TLCD5: variants seen among roughly 807,000 people sequenced by gnomAD.
The protein encoded by TLCD5 is TLC domain-containing protein 5.
TLCD5 carries 15 observed loss-of-function variants against 20.5 expected under a neutral mutation model. The observed-to-expected ratio is 0.73, with a 90% CI of 0.49 to 1.13. The LOEUF is 1.13. Ranked by LOEUF, TLCD5 falls within the 50% of genes most tolerant of loss-of-function variation. The pLI, the probability that TLCD5 is intolerant of heterozygous loss-of-function variation, is 0.00. For missense variants in TLCD5, 289 were observed against 305.6 expected (o/e 0.95, Z 0.41); for synonymous variants, 107 against 114.7 (o/e 0.93, Z 0.43).
At chr11:120,328,249 T>G (rs1195743669) in intron 2 of TLCD5, among the ~76,000 whole-genome samples, 2 of 151,964 alleles carry the variant, frequency 1.3e-5, no homozygotes, top group East Asian at 3.9e-4. Flanking sequence ...CCAGCTAATT[T>G]TTTTTGTATT....
At chr11:120,327,239 A>G (rs1942021829) in intron 1 of TLCD5, 2 of 908,478 alleles carry the variant, frequency 2.2e-6, no homozygotes, top group Non-Finnish European at 3.3e-6. Flanking sequence ...AGTTGCTAAC[A>G]TGTTATCTCT....
intron 1 of TLCD5, chr11:120,327,131 C>A (rs1206022203): frequency 3.8e-6 from 2 of 527,996 alleles, no homozygotes; most frequent in Non-Finnish European, 6.7e-6. Context: ...GGTCAGTCAT[C>A]GCTAGAGGGT....
rs917627395 is a variant in TLCD5, at chr11:120,331,424, C to T, written c.*909C>T. 9.2e-5 allele frequency: 14 copies of T among 152,262 alleles called. No individual in the cohort carries two copies. The highest frequency in any genetic ancestry group is 3.1e-4 in the African/African-American group (13 of 41,450). 9.4% of individuals were successfully genotyped at this position (152,262 alleles called of 1,614,324 possible). Reference sequence around the variant, plus strand: ...AAAGTTTTTACTGAGGACAGGTCATCTAGGCAGGCTTTCCCTGGCAGATAG... The same window carrying T: ...AAAGTTTTTACTGAGGACAGGTCATTTAGGCAGGCTTTCCCTGGCAGATAG... On this transcript the variant is annotated 3_prime_UTR_variant, in exon 3 of 3. Coordinates refer to ENST00000375095, the MANE Select transcript of TLCD5 (RefSeq NM_001198671.2). The surrounding 1 kb of genome is among the most constrained non-coding windows in gnomAD (Gnocchi z 4.5).
At chr11:120,327,388 T>C (rs113573740) in intron 1 of TLCD5, 53 bp from the exon 2 acceptor site, 1 of 1,613,712 alleles carries the variant, frequency 6.2e-7, no homozygotes, top group Non-Finnish European at 8.5e-7. Flanking sequence ...GACCCAGTGC[T>C]GTTTTCTTAG....
chr11:120,329,742 A>T (rs988055611), intron 2 of TLCD5, among the ~76,000 whole-genome samples: 1 of 152,224 alleles, frequency 6.6e-6, no homozygotes, highest in Non-Finnish European at 1.5e-5. Flanking sequence ...ATGCAAACTC[A>T]TTGAAGTCTG....
In TLCD5 at chr11:120,330,820, G is replaced by T. The variant is rs746584671; in HGVS notation, c.*305G>T. 3.2e-5 allele frequency: 8 copies of T among 250,310 alleles called. No individual in the cohort carries two copies. Among genetic ancestry groups the T allele is most frequent in the Non-Finnish European group, 6.1e-5 (8 of 131,764 alleles). 15.5% of individuals were successfully genotyped at this position (250,310 alleles called of 1,614,324 possible). A position where few individuals can be genotyped will look rare whatever the true frequency, so the allele number is the denominator to read the frequency against. ...CCCTGGGTCCTCCTGTCCCTGGGAG[G>T]TTTGATGTTCAGGCAGTTTAGAAAG... On this transcript the variant is annotated 3_prime_UTR_variant, in exon 3 of 3. Transcript: ENST00000375095.
In TLCD5 at chr11:120,330,541, TG is replaced by T; in HGVS notation, c.*29del. 1 of 1,588,630 alleles carries T rather than the reference TG, an allele frequency of 6.3e-7. No homozygotes were observed. Among genetic ancestry groups the T allele is most frequent in the Non-Finnish European group, 8.6e-7 (1 of 1,166,826 alleles). ...CCAAGGCTTGCTCCAGATTATGGATTGGGTTAAGTCAGCCATGGGAACCAGG... is the reference window on the plus strand; with the variant it reads ...CCAAGGCTTGCTCCAGATTATGGATTGGTTAAGTCAGCCATGGGAACCAGG... On this transcript the variant is annotated 3_prime_UTR_variant, in exon 3 of 3. Transcript: ENST00000375095.
intron 2 of TLCD5, among the ~76,000 whole-genome samples, chr11:120,329,080 TTGTGTGTGTG>T (rs67465966): frequency 8.7e-5 from 10 of 114,570 alleles, no homozygotes; most frequent in African/African-American, 3.6e-4. Context: ...AACAGTCATA[TTGTGTGTGTG>T]TGTGTGTGTG....
Position 120,327,605 on chromosome 11 carries a change from G to A in TLCD5, c.164G>A (p.Gly55Asp), listed in dbSNP as rs760568794. The A allele has an allele frequency of 5.1e-5, 83 of 1,614,040 alleles. 3 individuals are homozygous for A. The South Asian group carries it at 8.0e-4, about 16-fold the overall frequency. ...VLSIGLSAYI[G>D]FIDGPWPFTH... ...TCTATAGGCCTCTCCGCTTATATTGGCTTCATTGATGGCCCATGGCCTTTT... is the reference window on the plus strand; with the variant it reads ...TCTATAGGCCTCTCCGCTTATATTGACTTCATTGATGGCCCATGGCCTTTT... Residue 55 changes from glycine (G) to aspartate (D), a missense_variant, in exon 2 of 3, where the codon GGC becomes GAC. By Grantham distance (94) the Gly-to-Asp change is moderately conservative. Transcript: ENST00000375095.
At chr11:120,328,640 A>C (rs113388620) in intron 2 of TLCD5, among the ~76,000 whole-genome samples, 1 of 135,494 alleles carries the variant, frequency 7.4e-6, no homozygotes, top group Non-Finnish European at 1.6e-5. Context: ...ATATGTATGC[A>C]TATCTGTGTC....
rs112002619 is a variant in TLCD5, at chr11:120,330,270, G to T, written c.493G>T (p.Val165Leu). 60 of 1,555,424 alleles carry T rather than the reference G, an allele frequency of 3.9e-5. No homozygotes were observed. Among genetic ancestry groups the T allele is most frequent in the Non-Finnish European group, 5.0e-5 (58 of 1,150,232 alleles). ...TGGAGATGTAGTGGACTTCCTCTTTGTGGCTCTGTTCACAGGAGTGAGGAT... is the reference window on the plus strand; with the variant it reads ...TGGAGATGTAGTGGACTTCCTCTTTTTGGCTCTGTTCACAGGAGTGAGGAT... ...FTGDVVDFLFVALFTGVRIGV... is the reference protein window; with the variant it reads ...FTGDVVDFLFLALFTGVRIGV... The change falls in exon 3 of 3, where the codon GTG becomes TTG. Residue 165 changes from valine (V) to leucine (L), a missense_variant. Transcript: ENST00000375095.
rs200153326 is a variant in TLCD5 at position 120,328,944 on chromosome 11, GTT to G, written c.200-1031_200-1030del. Reference sequence around the variant, plus strand: ...TGTGTGTGTGTGTGTGTGTGTGTGTGTTTGTGTATGTTTATGTATGCATATCT... The same window carrying G: ...TGTGTGTGTGTGTGTGTGTGTGTGTGTGTGTATGTTTATGTATGCATATCT... On this transcript the variant is annotated intron_variant, in intron 2 of 2. Coordinates refer to ENST00000375095, the MANE Select transcript of TLCD5 (RefSeq NM_001198671.2). Among the ~76,000 whole-genome samples the G allele has an allele frequency of 4.8e-3, 301 of 62,322 alleles. 10 individuals are homozygous for G. The highest frequency in any genetic ancestry group is 0.04 in the South Asian group (73 of 1,826). 40.9% of individuals were successfully genotyped at this position (62,322 alleles called of 152,430 possible).
At chr11:120,328,177 T>G (rs1273796627) in intron 2 of TLCD5, among the ~76,000 whole-genome samples, 1 of 151,962 alleles carries the variant, frequency 6.6e-6, no homozygotes, top group Non-Finnish European at 1.5e-5. Context: ...CCTCCCAGGA[T>G]CACGCCATTC....
At position 120,330,322 on chromosome 11, in the gene TLCD5, G is replaced by T. The variant is rs1942123825; in HGVS notation, c.545G>T (p.Cys182Phe). Reference protein sequence around the residue: ...RIGVGACLLFCEMVSPTPKWF... With the variant: ...RIGVGACLLFFEMVSPTPKWF... ...GGTGTGGGAGCTTGCCTCCTTTTCT[G>T]TGAAATGGTCTCCCCCACGCCTAAG... The change falls in exon 3 of 3, where the codon TGT becomes TTT. Residue 182 changes from cysteine (C) to phenylalanine (F), a missense_variant. Transcript: ENST00000375095. 2 of 1,593,028 alleles carry T rather than the reference G, an allele frequency of 1.3e-6. No individual in the cohort carries two copies. Among genetic ancestry groups the T allele is most frequent in the African/African-American group, 2.7e-5 (2 of 74,814 alleles).
Position 120,327,572 on chromosome 11 carries a change from G to A in TLCD5, c.131G>A (p.Gly44Glu). The change falls in exon 2 of 3, where the codon GGA (glycine) becomes GAA (glutamate). Residue 44 changes from glycine (G) to glutamate (E), a missense_variant. Gly to Glu is a moderately conservative substitution (Grantham distance 98). Transcript: ENST00000375095. ...TGCCGCCTGGTCACCTTCACCCATGGAGTCCTCTCTATAGGCCTCTCCGCT... is the reference window on the plus strand; with the variant it reads ...TGCCGCCTGGTCACCTTCACCCATGAAGTCCTCTCTATAGGCCTCTCCGCT... ...WSCRLVTFTH[G>E]VLSIGLSAYI... is the part of the protein sequence containing the mutation. The A allele has an allele frequency of 6.2e-7, 1 of 1,614,174 alleles. No homozygotes were observed. Among genetic ancestry groups the A allele is most frequent in the Middle Eastern group, 1.6e-4 (1 of 6,062 alleles).
intron 1 of TLCD5, 77 bp downstream of exon 1, chr11:120,325,445 A>G (rs1941971016): frequency 6.6e-6 from 1 of 151,866 alleles, no homozygotes; most frequent in African/African-American, 2.4e-5. Flanking sequence ...AGGAGGCGGC[A>G]GAGGGCCCGG....
intron 1 of TLCD5, among the ~76,000 whole-genome samples, chr11:120,326,017 G>A (rs777016677): frequency 6.6e-6 from 1 of 152,154 alleles, no homozygotes; most frequent in Non-Finnish European, 1.5e-5. Context: ...AGATAAGGGA[G>A]GGCAGTTCTC....
Position 120,330,204 on chromosome 11 carries a change from C to T in TLCD5, c.427C>T (p.Arg143Cys), listed in dbSNP as rs534215659. The T allele has an allele frequency of 1.8e-5, 28 of 1,565,060 alleles. No homozygotes were observed. The highest frequency in any genetic ancestry group is 2.3e-5 in the South Asian group (2 of 86,330). Residue 143 changes from arginine to cysteine, a missense_variant, in exon 3 of 3, where the codon CGC becomes TGC. Transcript: ENST00000375095. ...GCTTACCAACCCCTTGCTACAGATGCGCTGGTTTCTCCGGGAAACAGGGCA... is the reference window on the plus strand; with the variant it reads ...GCTTACCAACCCCTTGCTACAGATGTGCTGGTTTCTCCGGGAAACAGGGCA... ...SELTNPLLQM[R>C]WFLRETGHYH...
intron 1 of TLCD5, among the ~76,000 whole-genome samples, chr11:120,325,795 C>T (rs1197670066): frequency 1.3e-5 from 2 of 152,244 alleles, no homozygotes; most frequent in African/African-American, 4.8e-5. Flanking sequence ...GAGCAAAAAG[C>T]CGAAACCCAC....
Sources: allele counts gnomAD v4.1 joint callset (sites outside exome capture counted in the v4.1 genomes callset), GRCh38; gene constraint gnomAD v4.1.1; non-coding constraint Gnocchi (gnomAD v3.1); transcripts MANE v1.5; gene names NCBI Gene and HGNC (gene_info 2026-07-23, HGNC 2026-07-21).